SECISBP2L: variants seen among roughly 807,000 people sequenced by gnomAD.
The protein encoded by SECISBP2L is selenocysteine insertion sequence-binding protein 2-like.
Under a neutral mutation model 114.7 loss-of-function variants are expected in SECISBP2L, and 43 were observed. The ratio of observed to expected loss-of-function variants is 0.38; its 90% confidence interval spans 0.29 to 0.48. The LOEUF is 0.48. Ranked by LOEUF, SECISBP2L falls within the 20% of genes least tolerant of loss-of-function variation. SECISBP2L has a pLI of 0.98. For synonymous variants in SECISBP2L, 451 were observed against 439.7 expected, an observed-to-expected ratio of 1.03 and a Z score of -0.32; for missense variants, 1,136 against 1,301.1, an observed-to-expected ratio of 0.87 and a Z score of 1.95.
chr15:49,012,686 C>T lies in SECISBP2L; in HGVS notation c.1693G>A (p.Glu565Lys). 6.3e-7 allele frequency: 1 copy of T among 1,593,552 alleles called. No homozygotes were observed. Among genetic ancestry groups the T allele is most frequent in the Non-Finnish European group, 8.6e-7 (1 of 1,168,566 alleles). Residue 565 changes from glutamate (E) to lysine (K), a missense_variant, in exon 12 of 18, where the codon GAA becomes AAA. This residue lies in a region of SECISBP2L where 684 missense variants were observed against 848.7 expected (regional missense o/e 0.81). Transcript: ENST00000559471. Reference protein sequence around the residue: ...SSKAKKGKEKEIAKLKRPTAL... With the variant: ...SSKAKKGKEKKIAKLKRPTAL... ...GTGGGTCGTTTTAGTTTTGCAATTT[C>T]CTTCTCTTTTCCTTTTTTTGCTTTA...
At chr15:49,040,130 TTA>T (rs1328126719) in intron 1 of SECISBP2L, among the ~76,000 whole-genome samples, 2 of 152,216 alleles carry the variant, frequency 1.3e-5, no homozygotes, top group Non-Finnish European at 2.9e-5. Flanking sequence ...ATAGAAAGTT[TTA>T]TAAACTTAGG....
chr15:49,012,576 C>T (rs999457124), intron 12 of SECISBP2L, 72 bp downstream of exon 12: 1 of 1,510,678 alleles, frequency 6.6e-7, no homozygotes, highest in African/African-American at 1.4e-5. Flanking sequence ...GACACCACAA[C>T]CTACTTTTAC....
intron 1 of SECISBP2L, among the ~76,000 whole-genome samples, chr15:49,040,604 C>T (rs1453338792): frequency 1.6e-5 from 2 of 125,534 alleles, no homozygotes; most frequent in South Asian, 5.2e-4. Flanking sequence ...GGCGCAATCT[C>T]GGCTCACTGC....
chr15:48,996,435 G>A lies in SECISBP2L; in HGVS notation c.2555C>T (p.Ala852Val), dbSNP rs752310283. The change falls in exon 17 of 18, where the codon GCA (alanine) becomes GTA (valine). Residue 852 changes from alanine to valine, a missense_variant. This residue lies in a region of SECISBP2L where 684 missense variants were observed against 848.7 expected (regional missense o/e 0.81). Transcript: ENST00000559471. ...ACTGCAGAAAGAAATGGCACTTGCTGCAGAGGGATTCCGAGAATGTCCCAT... is the reference window on the plus strand; with the variant it reads ...ACTGCAGAAAGAAATGGCACTTGCTACAGAGGGATTCCGAGAATGTCCCAT... ...HHMGHSRNPS[A>V]ASAISFCSVI... 3.1e-6 allele frequency: 5 copies of A among 1,614,116 alleles called. No homozygotes were observed. The Admixed American group carries it at 5.0e-5, about 16-fold the overall frequency.
chr15:48,993,012 C>T (rs1360143206), intron 17 of SECISBP2L, 86 bp from the exon 18 acceptor site: 1 of 1,151,426 alleles, frequency 8.7e-7, no homozygotes, highest in African/African-American at 1.6e-5. Flanking sequence ...AAAGAAAGAA[C>T]AACAAAATAT....
In SECISBP2L at chr15:48,995,120, T is replaced by C. The variant is rs545038025; in HGVS notation, c.2623+1247A>G. ...CTCAATCTCTGAGACTTTCGTTTTA[T>C]ACTACTTGTGTTTATATGTGCCCAT... is the stretch of plus-strand genomic sequence containing the variant. On this transcript the variant is annotated intron_variant, in intron 17 of 17. Coordinates refer to ENST00000559471, the MANE Select transcript of SECISBP2L (RefSeq NM_001193489.2). 7.2e-4 allele frequency among the ~76,000 whole-genome samples: 109 copies of C among 152,348 alleles called. 3 individuals are homozygous for C. In the South Asian group the frequency reaches 0.022, roughly 30 times the overall value.
rs111606046 is a variant in SECISBP2L at position 49,006,329 on chromosome 15, T to C, written c.2027+2887A>G. On this transcript the variant is annotated intron_variant, in intron 14 of 17. Coordinates refer to ENST00000559471, the MANE Select transcript of SECISBP2L (RefSeq NM_001193489.2). ...GTTGGGGAAGTTCTCCTGGATAATA[T>C]CCTGAAGAGTGTTTTCCAACTTGGT... 3.2e-3 allele frequency among the ~76,000 whole-genome samples: 491 copies of C among 152,318 alleles called. 1 individual carries two copies. The highest frequency in any genetic ancestry group is 0.011 in the African/African-American group (467 of 41,564).
intron 11 of SECISBP2L, among the ~76,000 whole-genome samples, chr15:49,013,728 T>C (rs1210712392): frequency 3.9e-5 from 6 of 152,196 alleles, no homozygotes; most frequent in Admixed American, 3.9e-4. Context: ...GAGAAGATGC[T>C]ATCCAATATA....
At chr15:49,013,338 C>T (rs981903369) in intron 11 of SECISBP2L, among the ~76,000 whole-genome samples, 1 of 151,974 alleles carries the variant, frequency 6.6e-6, no homozygotes, top group South Asian at 2.1e-4. Flanking sequence ...ACTCTGTCGC[C>T]CAAGCTGCAG....
intron 14 of SECISBP2L, 134 bp downstream of exon 14, chr15:49,009,078 TAAAC>T (rs1902381837): frequency 1.2e-6 from 1 of 865,814 alleles, no homozygotes; most frequent in Non-Finnish European, 1.8e-6. Flanking sequence ...ACCCAGCTGT[TAAAC>T]AAAATCCGAA....
At chr15:49,022,817 T>C (rs1167205306) in intron 7 of SECISBP2L, among the ~76,000 whole-genome samples, 1 of 152,198 alleles carries the variant, frequency 6.6e-6, no homozygotes, top group Non-Finnish European at 1.5e-5. Flanking sequence ...CAACAAATGC[T>C]GCTGGAAGAT....
At position 48,990,052 on chromosome 15, in the gene SECISBP2L, A is replaced by G. The variant is rs1337660902; in HGVS notation, c.*2192T>C. 6.5e-6 allele frequency: 1 copy of G among 152,674 alleles called. No individual in the cohort carries two copies. The highest frequency in any genetic ancestry group is 1.5e-5 in the Non-Finnish European group (1 of 68,048). 9.5% of individuals were successfully genotyped at this position (152,674 alleles called of 1,614,324 possible). A position where few individuals can be genotyped will look rare whatever the true frequency, so the allele number is the denominator to read the frequency against. On this transcript the variant is annotated 3_prime_UTR_variant, in exon 18 of 18. Coordinates refer to ENST00000559471, the MANE Select transcript of SECISBP2L (RefSeq NM_001193489.2). Reference sequence around the variant, plus strand: ...GAAGAGGTACTGCATATGCGAGAGCATTTACCGAACATATAAATAAACACT... The same window carrying G: ...GAAGAGGTACTGCATATGCGAGAGCGTTTACCGAACATATAAATAAACACT...
chr15:48,990,805 G>C lies in SECISBP2L; in HGVS notation c.*1439C>G, dbSNP rs1371902439. The C allele has an allele frequency of 7.6e-6, 1 of 131,914 alleles. No individual in the cohort carries two copies. Among genetic ancestry groups the C allele is most frequent in the Non-Finnish European group, 1.6e-5 (1 of 63,854 alleles). The allele number at this position is 131,914 out of a possible 1,614,324, so 8.2% of individuals were successfully genotyped here. A position where few individuals can be genotyped will look rare whatever the true frequency, so the allele number is the denominator to read the frequency against. On this transcript the variant is annotated 3_prime_UTR_variant, in exon 18 of 18. Transcript: ENST00000559471. The stretch of plus-strand genomic sequence containing the variant: ...GTTTTGTGCCTGCTTATGGAAGCTT[G>C]TAAGTGGAAAACACACACACGTACG...
chr15:49,035,386 G>GGGAA lies in SECISBP2L; in HGVS notation c.472_475dup (p.Pro159LeufsTer12). 6.2e-7 allele frequency: 1 copy of GGGAA among 1,614,178 alleles called. No individual in the cohort carries two copies. The highest frequency in any genetic ancestry group is 8.5e-7 in the Non-Finnish European group (1 of 1,180,014). ...GTTTCTGCTTCGATGGCTGGACAAT[G>GGGAA]GGAAGACCTGTCCAAGCTGACTTGG... On this transcript the variant is annotated frameshift_variant, in exon 3 of 18. Transcript: ENST00000559471. LOFTEE classifies it high-confidence loss of function.
intron 11 of SECISBP2L, among the ~76,000 whole-genome samples, chr15:49,014,863 G>GTATATACTGTATATATAATATAGACATTA (rs1902506399): frequency 2.7e-5 from 4 of 148,804 alleles, no homozygotes; most frequent in African/African-American, 7.4e-5. Context: ...ATATTTAGCA[G>GTATATACTGTATATATAATATAGACATTA]TATATACTGT....
At chr15:49,005,560 C>CTTTTTTTTT (rs752466722) in intron 14 of SECISBP2L, among the ~76,000 whole-genome samples, 1 of 36,746 alleles carries the variant, frequency 2.7e-5, no homozygotes, top group Admixed American at 2.9e-4. Context: ...GCAACCCCTG[C>CTTTTTTTTT]TTTTTTTTTT....
intron 14 of SECISBP2L, among the ~76,000 whole-genome samples, chr15:49,002,365 G>A (rs564523716): frequency 6.6e-6 from 1 of 152,250 alleles, no homozygotes; most frequent in African/African-American, 2.4e-5. Context: ...TGGTCAGATG[G>A]ATAGATTGCA....
chr15:48,990,886 T>G lies in SECISBP2L; in HGVS notation c.*1358A>C. The stretch of plus-strand genomic sequence containing the variant: ...GGGACAGTTGGGGGTGGTGGGGAGT[T>G]GGATGGAAGACAAAAAAATTACATA... On this transcript the variant is annotated 3_prime_UTR_variant, in exon 18 of 18. Coordinates refer to ENST00000559471, the MANE Select transcript of SECISBP2L (RefSeq NM_001193489.2). The G allele has an allele frequency of 6.6e-6, 1 of 151,246 alleles. No homozygotes were observed. The highest frequency in any genetic ancestry group is 6.6e-5 in the Admixed American group (1 of 15,206). The allele number at this position is 151,246 out of a possible 1,614,324, so 9.4% of individuals were successfully genotyped here. A position where few individuals can be genotyped will look rare whatever the true frequency, so the allele number is the denominator to read the frequency against.
In SECISBP2L at chr15:48,988,666, C is replaced by T. The variant is rs1192268030; in HGVS notation, c.*3578G>A. The T allele has an allele frequency of 6.6e-6, 3 of 455,452 alleles. No homozygotes were observed. The highest frequency in any genetic ancestry group is 2.4e-5 in the Admixed American group (1 of 42,440). The allele number at this position is 455,452 out of a possible 1,614,324, so 28.2% of individuals were successfully genotyped here. A position where few individuals can be genotyped will look rare whatever the true frequency, so the allele number is the denominator to read the frequency against. On this transcript the variant is annotated 3_prime_UTR_variant, in exon 18 of 18. Transcript: ENST00000559471. ...CATTTCAATAATCATTTTATTAGTA[C>T]AGAAGAATCCCCACTAGTATTTACA...
Sources: gnomAD v4.1 joint callset for allele counts (sites outside exome capture counted in the v4.1 genomes callset) on GRCh38, gnomAD v4.1.1 for gene constraint, gnomAD v4.1.1 regional missense constraint, MANE v1.5 for transcripts, NCBI Gene and HGNC (gene_info 2026-07-23, HGNC 2026-07-21) for gene names.